ERG: variants seen among roughly 807,000 people sequenced by gnomAD.
The protein encoded by ERG is ETS transcription factor ERG.
Under a neutral mutation model 55.3 loss-of-function variants are expected in ERG, and 9 were observed. The observed-to-expected ratio is 0.16, with a 90% CI of 0.10 to 0.28. ERG has a LOEUF of 0.28. ERG is among the 10% of genes least tolerant of loss of function. The pLI, the probability that ERG is intolerant of heterozygous loss-of-function variation, is 1.00. For missense variants in ERG, 434 were observed against 631.6 expected (o/e 0.69, Z 3.35); for synonymous variants, 223 against 237.3 (o/e 0.94, Z 0.55).
At chr21:38,532,747 A>G (rs2059681720) in intron 2 of ERG, among the ~76,000 whole-genome samples, 1 of 152,228 alleles carries the variant, frequency 6.6e-6, no homozygotes, top group Non-Finnish European at 1.5e-5. Flanking sequence ...TTCCAACTCC[A>G]CATACCTGCA....
chr21:38,388,924 C>T (rs1340789729), intron 9 of ERG, among the ~76,000 whole-genome samples: 1 of 152,164 alleles, frequency 6.6e-6, no homozygotes, highest in Non-Finnish European at 1.5e-5. Context: ...CCCTATTCTA[C>T]AAACAAGCCA....
downstream of ERG, among the ~76,000 whole-genome samples, chr21:38,375,913 C>T (rs1031771681): frequency 2.0e-5 from 3 of 152,198 alleles, no homozygotes; most frequent in South Asian, 2.1e-4. Context: ...ACAATTCAGC[C>T]TCCTTCCAAC....
At chr21:38,631,603 G>T (rs1162527397) in intron 1 of ERG, among the ~76,000 whole-genome samples, 1 of 152,054 alleles carries the variant, frequency 6.6e-6, no homozygotes, top group East Asian at 1.9e-4. Flanking sequence ...CTTTCCTTTG[G>T]ATAAAATCCA....
rs186803811 is a variant in ERG at position 38,626,960 on chromosome 21, A to T, written c.-150+34698T>A. 1.6e-3 allele frequency among the ~76,000 whole-genome samples: 246 copies of T among 152,280 alleles called. 1 individual carries two copies. Among genetic ancestry groups the T allele is most frequent in the Middle Eastern group, 6.8e-3 (2 of 294 alleles). ...ATTTTTATAGTTTATGTAGCCATAA[A>T]CTACAGTTTTGCAGCCATAATTGAT... On this transcript the variant is annotated intron_variant, in intron 1 of 10. Transcript: ENST00000398910.
At chr21:38,445,180 C>T (rs8134231) in intron 2 of ERG, among the ~76,000 whole-genome samples, 4 of 143,332 alleles carry the variant, frequency 2.8e-5, no homozygotes, top group Non-Finnish European at 6.0e-5. Flanking sequence ...CTTGCTCTGT[C>T]GCCCAGGCTG....
intron 9 of ERG, among the ~76,000 whole-genome samples, chr21:38,384,936 C>T (rs1487963213): frequency 1.3e-5 from 2 of 152,086 alleles, no homozygotes; most frequent in Non-Finnish European, 2.9e-5. Context: ...CTGTGTGCTG[C>T]AACGCCAATT....
intron 3 of ERG, among the ~76,000 whole-genome samples, chr21:38,409,681 G>A (rs1041165836): frequency 6.6e-6 from 1 of 152,016 alleles, no homozygotes; most frequent in South Asian, 2.1e-4. Flanking sequence ...CATCCGACAT[G>A]GGCATGAAAT....
chr21:38,406,133 C>T (rs375411071), intron 3 of ERG, among the ~76,000 whole-genome samples: 42 of 122,170 alleles, frequency 3.4e-4, no homozygotes, highest in Admixed American at 8.8e-4. Context: ...CCAGCCTGAG[C>T]GACAGAGCGA....
chr21:38,567,823 T>C (rs1341786984), intron 2 of ERG, among the ~76,000 whole-genome samples: 1 of 152,194 alleles, frequency 6.6e-6, no homozygotes, highest in African/African-American at 2.4e-5. Context: ...ATTCGGGCGC[T>C]TTCTGCATCT....
chr21:38,505,824 C>T (rs888953834), intron 2 of ERG, among the ~76,000 whole-genome samples: 2 of 152,180 alleles, frequency 1.3e-5, no homozygotes, highest in Non-Finnish European at 2.9e-5. Flanking sequence ...AGACATGAGT[C>T]GTGCAGGGAA....
At chr21:38,550,112 G>A (rs919718974) in intron 2 of ERG, among the ~76,000 whole-genome samples, 5 of 152,170 alleles carry the variant, frequency 3.3e-5, no homozygotes, top group Admixed American at 6.5e-5. Context: ...CCCGGTGGTG[G>A]GGTGCTTCAT....
intron 1 of ERG, among the ~76,000 whole-genome samples, chr21:38,623,117 C>T (rs1251386033): frequency 6.6e-6 from 1 of 150,428 alleles, no homozygotes; most frequent in Non-Finnish European, 1.5e-5. Context: ...CACTCACACG[C>T]ACATCATGCA....
chr21:38,402,543 G>A lies in ERG; in HGVS notation c.673+14C>T, dbSNP rs189812784. 5.6e-6 allele frequency: 9 copies of A among 1,604,240 alleles called. No individual in the cohort carries two copies. Among genetic ancestry groups the A allele is most frequent in the East Asian group, 4.5e-5 (2 of 44,688 alleles). On this transcript the variant is annotated intron_variant, in intron 5 of 9. Coordinates refer to ENST00000288319, the MANE Select transcript of ERG (RefSeq NM_182918.4). The stretch of plus-strand genomic sequence containing the variant: ...TACGCTCTTGCTGGGAGGCAGGGGC[G>A]GGGCCAGCATTACCTGTGTTTCTAG...
At chr21:38,517,215 T>C (rs771209468) in intron 2 of ERG, among the ~76,000 whole-genome samples, 15 of 151,808 alleles carry the variant, frequency 9.9e-5, no homozygotes, top group Non-Finnish European at 2.1e-4. Context: ...AAACTGTTCA[T>C]CTAGTAAGAG....
chr21:38,564,083 A>G (rs1367177449), intron 2 of ERG, among the ~76,000 whole-genome samples: 1 of 134,148 alleles, frequency 7.5e-6, no homozygotes, highest in African/African-American at 3.5e-5. Flanking sequence ...GGACTAAGAG[A>G]AAAAAAAAAA....
At chr21:38,644,560 G>T (rs2836584) in intron 1 of ERG, among the ~76,000 whole-genome samples, 2,116 of 152,182 alleles carry the variant, frequency 0.014, 53 homozygotes, top group African/African-American at 0.049. Context: ...ATTAGCAAAG[G>T]GTGAAATTTG....
At position 38,568,811 on chromosome 21, in the gene ERG, AC is replaced by A. The variant is rs150606929; in HGVS notation, c.-41+6850del. The stretch of plus-strand genomic sequence containing the variant: ...CTTCAGGCATCTGTACTCGCCTGCT[AC>A]AGGTGAGTGGACCTATGAACCCCCA... On this transcript the variant is annotated intron_variant, in intron 2 of 8. Coordinates refer to the ERG transcript ENST00000398897. Among the ~76,000 whole-genome samples the A allele has an allele frequency of 3.0e-3, 456 of 152,310 alleles. 2 individuals carry two copies. The highest frequency in any genetic ancestry group is 0.01 in the African/African-American group (434 of 41,562).
At chr21:38,452,184 CACA>C (rs2058947271) in intron 1 of ERG, among the ~76,000 whole-genome samples, 1 of 152,208 alleles carries the variant, frequency 6.6e-6, no homozygotes, top group Non-Finnish European at 1.5e-5. Context: ...TTTCACCACT[CACA>C]ACACTAGTCC....
chr21:38,559,757 C>G (rs1294348271), intron 2 of ERG, among the ~76,000 whole-genome samples: 1 of 152,210 alleles, frequency 6.6e-6, no homozygotes, highest in Non-Finnish European at 1.5e-5. Flanking sequence ...TCTTGGCTCA[C>G]TGCACCCCCT....
Sources: allele counts gnomAD v4.1 joint callset (sites outside exome capture counted in the v4.1 genomes callset), GRCh38; gene constraint gnomAD v4.1.1; transcripts MANE v1.5; gene names NCBI Gene and HGNC (gene_info 2026-07-23, HGNC 2026-07-21).